The following ZSWIM4 variants were observed in gnomAD, a reference collection of about 807,000 sequenced individuals.
ZSWIM4 encodes the protein zinc finger SWIM-type containing 4, also known as zinc finger SWIM domain-containing protein 4.
A neutral mutation model predicts 102.5 loss-of-function variants in ZSWIM4; 62 were observed. The ratio of observed to expected loss-of-function variants is 0.60; its 90% CI spans 0.49 to 0.75. ZSWIM4 has a LOEUF of 0.75. ZSWIM4 is among the 30% of genes least tolerant of loss of function. The pLI is 0.00. For missense variants in ZSWIM4, 1,280 were observed against 1,529.6 expected (o/e 0.84, Z 2.72); for synonymous variants, 652 against 674.5 (o/e 0.97, Z 0.52).
chr19:13,807,858 G>A (rs1974962043), intron 3 of ZSWIM4, among the ~76,000 whole-genome samples: 1 of 151,994 alleles, frequency 6.6e-6, no homozygotes, highest in African/African-American at 2.4e-5. Context: ...GATGGGTGAT[G>A]TATTACTCTG....
chr19:13,818,517 T>A (rs1241231505), intron 9 of ZSWIM4, among the ~76,000 whole-genome samples: 1 of 152,234 alleles, frequency 6.6e-6, no homozygotes, highest in Non-Finnish European at 1.5e-5. Context: ...ATCTGAGTCC[T>A]GCTCCTCACC....
chr19:13,816,686 TGGAGGAAGTGCTCAGAATAGAA>T (rs1463157146), intron 7 of ZSWIM4, among the ~76,000 whole-genome samples: 1 of 151,814 alleles, frequency 6.6e-6, no homozygotes, highest in Admixed American at 6.6e-5. Flanking sequence ...GAGAAGGGGA[TGGAGGAAGTGCTCAGAATAGAA>T]GGAACACCAT....
Position 13,810,909 on chromosome 19 carries a change from C to CTTT in ZSWIM4, c.1012+1709_1012+1711dup, listed in dbSNP as rs58776366. The stretch of plus-strand genomic sequence containing the variant: ...ACAGGCGTGAGCCACCACGCCCAGC[C>CTTT]TTTTTTTTTTTTTTTTTTTTTTGAG... On this transcript the variant is annotated intron_variant, in intron 5 of 13. Coordinates refer to ENST00000590508, the MANE Select transcript of ZSWIM4 (RefSeq NM_001367834.3). 1.0e-3 allele frequency among the ~76,000 whole-genome samples: 94 copies of CTTT among 94,110 alleles called. 3 individuals are homozygous for CTTT. The highest frequency in any genetic ancestry group is 3.4e-3 in the African/African-American group (78 of 22,748). The allele number at this position is 94,110 out of a possible 152,430, so 61.7% of individuals were successfully genotyped here.
chr19:13,813,361 T>C (rs186747733), intron 6 of ZSWIM4, among the ~76,000 whole-genome samples, 197 bp downstream of exon 6: 12 of 152,168 alleles, frequency 7.9e-5, no homozygotes, highest in Admixed American at 7.2e-4. Context: ...GCAGGAGCAA[T>C]GGCAGCCCAA....
At chr19:13,807,163 C>T (rs1002753673) in intron 3 of ZSWIM4, among the ~76,000 whole-genome samples, 9 of 151,562 alleles carry the variant, frequency 5.9e-5, no homozygotes, top group African/African-American at 7.3e-5. Flanking sequence ...GGTTAGTTCA[C>T]GTGGATTGGA....
intron 5 of ZSWIM4, among the ~76,000 whole-genome samples, chr19:13,812,439 G>T (rs1975125039): frequency 6.7e-6 from 1 of 149,860 alleles, no homozygotes; most frequent in Non-Finnish European, 1.5e-5. Flanking sequence ...GACTACAGAG[G>T]CCCGGGATGT....
intron 5 of ZSWIM4, among the ~76,000 whole-genome samples, chr19:13,812,692 A>G (rs553435189): frequency 1.2e-4 from 18 of 145,430 alleles, no homozygotes; most frequent in Non-Finnish European, 2.3e-4. Context: ...CTGTTCTTAA[A>G]CTCCTGACCT....
rs2145272610 is a variant in ZSWIM4 at position 13,804,855 on chromosome 19, A to G, written c.419A>G (p.His140Arg). The change falls in exon 3 of 14, where the codon CAT (histidine) becomes CGT (arginine). Residue 140 changes from histidine to arginine, a missense_variant. Coordinates refer to ENST00000590508, the MANE Select transcript of ZSWIM4 (RefSeq NM_001367834.3). ...GSPGEPERLY[H>R]VSISFDRCKI... ...CCTGGAGAGCCCGAGCGCCTCTACCATGTCTCCATCAGCTTTGATCGCTGC... is the reference window on the plus strand; with the variant it reads ...CCTGGAGAGCCCGAGCGCCTCTACCGTGTCTCCATCAGCTTTGATCGCTGC... 1 of 1,613,004 alleles carries G rather than the reference A, an allele frequency of 6.2e-7. No homozygotes were observed. Among genetic ancestry groups the G allele is most frequent in the Non-Finnish European group, 8.5e-7 (1 of 1,179,612 alleles).
intron 8 of ZSWIM4, 89 bp from the exon 9 acceptor site, chr19:13,817,633 C>G (rs1453439827): frequency 6.7e-7 from 1 of 1,487,352 alleles, no homozygotes; most frequent in East Asian, 2.3e-5. Flanking sequence ...GCCTACCCTG[C>G]GCCCAGGTCT....
chr19:13,829,554 G>A (rs1006259315), intron 13 of ZSWIM4, among the ~76,000 whole-genome samples: 2 of 152,132 alleles, frequency 1.3e-5, no homozygotes, highest in Non-Finnish European at 2.9e-5. Flanking sequence ...ACTCACTACC[G>A]CACTCCAGCC....
intron 11 of ZSWIM4, among the ~76,000 whole-genome samples, chr19:13,823,749 G>A (rs142690707): frequency 6.6e-6 from 1 of 152,136 alleles, no homozygotes; most frequent in South Asian, 2.1e-4. Flanking sequence ...TAAATGAGAC[G>A]GTAACAGGTG....
chr19:13,799,612 C>A, intron 1 of ZSWIM4, 108 bp from the exon 2 acceptor site: 1 of 1,080,580 alleles, frequency 9.3e-7, no homozygotes, highest in South Asian at 1.3e-5. Context: ...TCTATGTTGC[C>A]CAGGCTGGTC....
At chr19:13,814,060 C>CTTT (rs869279797) in intron 6 of ZSWIM4, among the ~76,000 whole-genome samples, 1 of 138,162 alleles carries the variant, frequency 7.2e-6, no homozygotes, top group African/African-American at 2.7e-5. Flanking sequence ...TACACGCATC[C>CTTT]TTTTTTTTTT....
At chr19:13,827,012 C>T (rs1161924006) in intron 12 of ZSWIM4, among the ~76,000 whole-genome samples, 1 of 152,072 alleles carries the variant, frequency 6.6e-6, no homozygotes, top group Non-Finnish European at 1.5e-5. Context: ...GGGCCGGGCA[C>T]AGTGCCTCAC....
Position 13,825,854 on chromosome 19 carries a change from C to G in ZSWIM4, c.2379+141C>G. 8.3e-7 allele frequency: 1 copy of G among 1,209,702 alleles called. No homozygotes were observed. Among genetic ancestry groups the G allele is most frequent in the African/African-American group, 1.5e-5 (1 of 65,756 alleles). 74.9% of individuals were successfully genotyped at this position (1,209,702 alleles called of 1,614,324 possible). A position where few individuals can be genotyped will look rare whatever the true frequency, so the allele number is the denominator to read the frequency against. ...ATTTGCGTGAGCTATTCCTCTGTGG[C>G]TGGGGACTGAGCGAGAACCACTCTT... On this transcript the variant is annotated intron_variant, in intron 12 of 13. Transcript: ENST00000590508. The surrounding 1 kb of genome is among the most constrained non-coding windows in gnomAD (Gnocchi z 4.6).
In ZSWIM4 at chr19:13,797,191, G is replaced by T. The variant is rs189768673; in HGVS notation, c.153+1390G>T. Among the ~76,000 whole-genome samples the T allele has an allele frequency of 1.9e-3, 293 of 152,298 alleles. 1 individual carries two copies. Among genetic ancestry groups the T allele is most frequent in the African/African-American group, 5.9e-3 (246 of 41,558 alleles). On this transcript the variant is annotated intron_variant, in intron 1 of 13. Coordinates refer to ENST00000590508, the MANE Select transcript of ZSWIM4 (RefSeq NM_001367834.3). The stretch of plus-strand genomic sequence containing the variant: ...CTGCAACCCTTTGGCAGTTGTTCTT[G>T]TTCCCACTTTGAGGAAACTGGGGCA...
rs141882486 is a variant in ZSWIM4, at chr19:13,799,893, C to T, written c.327C>T (p.Ser109=). Residue 109 remains serine (S), a synonymous_variant, in exon 2 of 14, where the codon AGC becomes AGT. Coordinates refer to ENST00000590508, the MANE Select transcript of ZSWIM4 (RefSeq NM_001367834.3). ...PFTRGLHLLQ[S]GAVDRVLQVG... is the part of the protein sequence containing the mutation. Reference sequence around the variant, plus strand: ...CCCGCGGGCTGCACCTGCTCCAGAGCGGGGCCGTGGACCGCGTGTTGCAAG... The same window carrying T: ...CCCGCGGGCTGCACCTGCTCCAGAGTGGGGCCGTGGACCGCGTGTTGCAAG... The T allele has an allele frequency of 1.8e-4, 285 of 1,612,504 alleles. 1 individual carries two copies. The African/African-American group carries it at 3.0e-3, about 17-fold the overall frequency.
At chr19:13,823,633 G>T in intron 11 of ZSWIM4, 133 bp downstream of exon 11, 1 of 1,076,562 alleles carries the variant, frequency 9.3e-7, no homozygotes. Flanking sequence ...CCTCCTATAT[G>T]TACCGGACAC....
At chr19:13,817,121 G>A in intron 7 of ZSWIM4, 95 bp from the exon 8 acceptor site, 1 of 1,493,670 alleles carries the variant, frequency 6.7e-7, no homozygotes. Context: ...GCATTATGGG[G>A]CTAGGCTGGC....
Sources: gnomAD v4.1 joint callset for allele counts (sites outside exome capture counted in the v4.1 genomes callset) on GRCh38, gnomAD v4.1.1 for gene constraint, Gnocchi (gnomAD v3.1) non-coding constraint, MANE v1.5 for transcripts, NCBI Gene and HGNC (gene_info 2026-07-23, HGNC 2026-07-21) for gene names.